The following CRISP2 variants were observed in gnomAD, a reference collection of about 807,000 sequenced individuals.
The protein encoded by CRISP2 is cysteine rich secretory protein 2, also known as cysteine-rich secretory protein 2.
Under a neutral mutation model 31.7 loss-of-function variants are expected in CRISP2, and 29 were observed. The ratio of observed to expected loss-of-function variants is 0.92; its 90% CI spans 0.68 to 1.25. The LOEUF is 1.25. Among genes scored for constraint, CRISP2 ranks in the 50% most tolerant of loss-of-function variants. The pLI, the probability that CRISP2 is intolerant of heterozygous loss-of-function variation, is 0.00. For synonymous variants in CRISP2, 111 were observed against 101.4 expected, an observed-to-expected ratio of 1.09 and a Z score of -0.57; for missense variants, 318 against 286.5, an observed-to-expected ratio of 1.11 and a Z score of -0.79.
the CRISP2 span, among the ~76,000 whole-genome samples, chr6:49,683,159 AAAATAAAT>A: frequency 0.087 from 12,361 of 141,560 alleles, 1,079 homozygotes; most frequent in African/African-American, 0.22. Flanking sequence ...ACTCCATCTC[AAAATAAAT>A]AAATAAATAA....
At chr6:49,706,770 A>G (rs564514392) in intron 4 of CRISP2, among the ~76,000 whole-genome samples, 48 of 152,314 alleles carry the variant, frequency 3.2e-4, no homozygotes, top group African/African-American at 1.1e-3. Context: ...CTCTCAAAAT[A>G]CTTACACCAT....
intron 4 of CRISP2, among the ~76,000 whole-genome samples, chr6:49,705,971 T>G (rs918985211): frequency 2.6e-5 from 4 of 152,196 alleles, no homozygotes; most frequent in African/African-American, 9.7e-5. Flanking sequence ...CTGCAGTGGT[T>G]CTTGGCACAA....
chr6:49,678,517 G>GA, the CRISP2 span, among the ~76,000 whole-genome samples: 1 of 151,988 alleles, frequency 6.6e-6, no homozygotes, highest in Non-Finnish European at 1.5e-5. Context: ...TATAACCAGT[G>GA]CAACTTGCTG....
At chr6:49,691,818 T>C (rs1283860621), downstream of CRISP2, among the ~76,000 whole-genome samples, 1 of 152,076 alleles carries the variant, frequency 6.6e-6, no homozygotes, top group Non-Finnish European at 1.5e-5. Flanking sequence ...ATTTCCTTAA[T>C]GGTTATAGGA....
At chr6:49,714,178 A>AG (rs1768456870), upstream of CRISP2, among the ~76,000 whole-genome samples, 1 of 152,242 alleles carries the variant, frequency 6.6e-6, no homozygotes, top group African/African-American at 2.4e-5. Context: ...CTCTCTCAGA[A>AG]GGCGGATGAG....
At chr6:49,683,401 G>A in the CRISP2 span, among the ~76,000 whole-genome samples, 3 of 150,738 alleles carry the variant, frequency 2.0e-5, no homozygotes, top group African/African-American at 4.9e-5. Context: ...ACAGCCGGGC[G>A]CAGTGGCTCA....
chr6:49,680,032 T>C, the CRISP2 span, among the ~76,000 whole-genome samples: 1 of 152,162 alleles, frequency 6.6e-6, no homozygotes, highest in Non-Finnish European at 1.5e-5. Context: ...TAAGGGTATA[T>C]GTGCAGGTTT....
At position 49,701,935 on chromosome 6, in the gene CRISP2, TAATATATG is replaced by T. The variant is rs1561877790; in HGVS notation, c.67-1159_67-1152del. Among the ~76,000 whole-genome samples the T allele has an allele frequency of 5.3e-5, 5 of 93,802 alleles. No individual in the cohort carries two copies. The East Asian group carries it at 1.1e-3, about 20-fold the overall frequency. 61.5% of individuals were successfully genotyped at this position (93,802 alleles called of 152,430 possible). On this transcript the variant is annotated intron_variant, in intron 4 of 9. Coordinates refer to ENST00000339139, the MANE Select transcript of CRISP2 (RefSeq NM_003296.4). ...TATATATTATATTATATATAATATA[TAATATATG>T]TAATATAATATATTATATTATACAT...
At chr6:49,694,226 C>A (rs927911735) in intron 9 of CRISP2, among the ~76,000 whole-genome samples, 1 of 152,180 alleles carries the variant, frequency 6.6e-6, no homozygotes, top group African/African-American at 2.4e-5. Flanking sequence ...CCACAGCTGG[C>A]ACTGTGCCTT....
the CRISP2 span, among the ~76,000 whole-genome samples, chr6:49,686,481 C>T: frequency 2.0e-5 from 3 of 152,136 alleles, no homozygotes; most frequent in Admixed American, 2.0e-4. Context: ...AATGAAAATA[C>T]CAATAAAAAA....
chr6:49,694,665 T>C (rs1764443102), intron 9 of CRISP2, among the ~76,000 whole-genome samples: 1 of 152,114 alleles, frequency 6.6e-6, no homozygotes. Context: ...TACCAGCTGA[T>C]ACCATGACAG....
rs1369314839 is a variant in CRISP2 at position 49,701,496 on chromosome 6, GTGTGTATA to G, written c.67-720_67-713del. On this transcript the variant is annotated intron_variant, in intron 4 of 9. Transcript: ENST00000339139. ...GCTGAGCAGTATTACGTGTGTGTGT[GTGTGTATA>G]TATATATATATATATATATATACAC... Among the ~76,000 whole-genome samples, 393 of 44,348 alleles carry G rather than the reference GTGTGTATA, an allele frequency of 8.9e-3. 1 individual carries two copies. The highest frequency in any genetic ancestry group is 0.012 in the South Asian group (11 of 900). 29.1% of individuals were successfully genotyped at this position (44,348 alleles called of 152,430 possible). A position where few individuals can be genotyped will look rare whatever the true frequency, so the allele number is the denominator to read the frequency against.
At chr6:49,683,681 AAAAAAAAAAAAAAATATAT>A in the CRISP2 span, among the ~76,000 whole-genome samples, 7 of 52,258 alleles carry the variant, frequency 1.3e-4, no homozygotes, top group Non-Finnish European at 2.7e-4. Context: ...AAAAAAAAAA[AAAAAAAAAAAAAAATATAT>A]ATATATATAT....
At chr6:49,701,950 A>ATTATGTATT (rs1766018158) in intron 4 of CRISP2, among the ~76,000 whole-genome samples, 1 of 1,610 alleles carries the variant, frequency 6.2e-4, no homozygotes, top group Non-Finnish European at 9.3e-4. Flanking sequence ...TATGTAATAT[A>ATTATGTATT]ATATATTATA....
chr6:49,696,021 T>G, intron 8 of CRISP2, 97 bp from the exon 9 acceptor site: 1 of 673,248 alleles, frequency 1.5e-6, no homozygotes, highest in South Asian at 2.6e-5. Context: ...TTATTCAGGG[T>G]TTTTAGTATG....
intron 8 of CRISP2, chr6:49,697,546 A>C: frequency 2.4e-6 from 1 of 424,524 alleles, no homozygotes; most frequent in Non-Finnish European, 4.3e-6. Context: ...AATTAGCAAG[A>C]TGTGATGATA....
At chr6:49,709,601 A>G (rs1200279481) in intron 3 of CRISP2, among the ~76,000 whole-genome samples, 3 of 152,204 alleles carry the variant, frequency 2.0e-5, no homozygotes, top group Non-Finnish European at 4.4e-5. Context: ...AATATGTACC[A>G]TCTCTCAATT....
At chr6:49,688,590 T>G (rs1763957011), downstream of CRISP2, among the ~76,000 whole-genome samples, 1 of 152,184 alleles carries the variant, frequency 6.6e-6, no homozygotes, top group Non-Finnish European at 1.5e-5. Context: ...GATCTTACTC[T>G]GTTAATGTTA....
chr6:49,701,967 A>ATAT (rs1766025292), intron 4 of CRISP2, among the ~76,000 whole-genome samples: 1 of 1,380 alleles, frequency 7.2e-4, no homozygotes, highest in African/African-American at 6.3e-3. Flanking sequence ...TATATTATAC[A>ATAT]TAATATATAA....
Sources: gnomAD v4.1 joint callset for allele counts (sites outside exome capture counted in the v4.1 genomes callset) on GRCh38, gnomAD v4.1.1 for gene constraint, MANE v1.5 for transcripts, NCBI Gene and HGNC (gene_info 2026-07-23, HGNC 2026-07-21) for gene names.